ANKRD17: variants seen among roughly 807,000 people sequenced by gnomAD.
ANKRD17 encodes the protein ankyrin repeat domain 17.
A neutral mutation model predicts 229.7 loss-of-function variants in ANKRD17; 19 were observed. The observed-to-expected ratio is 0.08, with a 90% confidence interval of 0.06 to 0.12. ANKRD17 has a LOEUF of 0.12. Ranked by LOEUF, ANKRD17 falls within the 10% of genes least tolerant of loss-of-function variation. The pLI is 1.00. For synonymous variants in ANKRD17, 1,112 were observed against 1,146.1 expected (o/e 0.97, Z 0.60); for missense variants, 2,176 against 3,176.8 (o/e 0.68, Z 7.57).
chr4:73,076,406 T>A, intron 33 of ANKRD17, 116 bp from the exon 34 acceptor site: 2 of 643,746 alleles, frequency 3.1e-6, no homozygotes, highest in East Asian at 3.5e-5. Context: ...TAGGAACTAA[T>A]GGAAAAAAAT....
chr4:73,134,480 C>T (rs959046592), intron 16 of ANKRD17, among the ~76,000 whole-genome samples: 2 of 152,152 alleles, frequency 1.3e-5, no homozygotes, highest in African/African-American at 4.8e-5. Flanking sequence ...ACTATTCTCT[C>T]CAATCTCACC....
intron 27 of ANKRD17, 140 bp downstream of exon 27, chr4:73,096,977 C>G: frequency 1.0e-6 from 1 of 955,878 alleles, no homozygotes; most frequent in Middle Eastern, 2.7e-4. Flanking sequence ...GGCACAGGCT[C>G]TCTCTGTTGG....
intron 1 of ANKRD17, among the ~76,000 whole-genome samples, chr4:73,219,721 C>T (rs1741602433): frequency 6.6e-6 from 1 of 152,090 alleles, no homozygotes; most frequent in African/African-American, 2.4e-5. Flanking sequence ...ACATCAAGTA[C>T]AGATGAAGCT....
chr4:73,206,846 A>G (rs1224115233), intron 1 of ANKRD17, among the ~76,000 whole-genome samples: 1 of 152,114 alleles, frequency 6.6e-6, no homozygotes, highest in Non-Finnish European at 1.5e-5. Context: ...CCCCCAAGAC[A>G]GAGTTTCACT....
intron 22 of ANKRD17, among the ~76,000 whole-genome samples, chr4:73,116,714 TCAAA>T (rs1432450381): frequency 3.3e-5 from 5 of 152,146 alleles, no homozygotes; most frequent in African/African-American, 9.7e-5. Context: ...ATGGGACAAC[TCAAA>T]CAGTTACCTA....
At chr4:73,169,614 C>T (rs887371183) in intron 2 of ANKRD17, among the ~76,000 whole-genome samples, 5 of 152,072 alleles carry the variant, frequency 3.3e-5, no homozygotes, top group African/African-American at 1.2e-4. Context: ...AACCCAAAAT[C>T]AGGTGAGCAC....
At chr4:73,256,375 A>G (rs1365710815) in intron 1 of ANKRD17, among the ~76,000 whole-genome samples, 7 of 152,226 alleles carry the variant, frequency 4.6e-5, no homozygotes, top group Admixed American at 4.6e-4. Flanking sequence ...GCTCTAAACC[A>G]GAGCTTAATA....
chr4:73,184,486 G>A (rs189259425), intron 1 of ANKRD17, among the ~76,000 whole-genome samples: 19 of 129,648 alleles, frequency 1.5e-4, no homozygotes, highest in Admixed American at 2.9e-4. Context: ...CCAAGATAGC[G>A]CCATTGCACC....
chr4:73,196,229 C>A (rs1438078506), intron 1 of ANKRD17, among the ~76,000 whole-genome samples: 2 of 151,862 alleles, frequency 1.3e-5, no homozygotes, highest in East Asian at 1.9e-4. Flanking sequence ...AACTCCTGAC[C>A]TCACGTGACC....
chr4:73,225,581 C>T (rs1214833197), intron 1 of ANKRD17, among the ~76,000 whole-genome samples: 4 of 152,092 alleles, frequency 2.6e-5, no homozygotes, highest in Admixed American at 6.5e-5. Flanking sequence ...TGGCCAGGCG[C>T]GGTGGCTCAT....
At chr4:73,136,660 C>A (rs1728932290) in intron 15 of ANKRD17, among the ~76,000 whole-genome samples, 2 of 152,060 alleles carry the variant, frequency 1.3e-5, no homozygotes, top group Middle Eastern at 3.4e-3. Context: ...TATTGTTACT[C>A]CATATTGATA....
At chr4:73,097,448 C>G (rs76928500) in intron 26 of ANKRD17, among the ~76,000 whole-genome samples, 176 bp from the exon 27 acceptor site, 1 of 110,820 alleles carries the variant, frequency 9.0e-6, no homozygotes, top group East Asian at 2.7e-4. Flanking sequence ...TTTTTTTTTT[C>G]TTTTTGAGAC....
At chr4:73,216,188 A>AT (rs1452155668) in intron 1 of ANKRD17, among the ~76,000 whole-genome samples, 1 of 152,070 alleles carries the variant, frequency 6.6e-6, no homozygotes, top group East Asian at 1.9e-4. Context: ...ACTCTCACAA[A>AT]TTTTTTCTTT....
At chr4:73,165,362 G>A (rs2148934623) in intron 2 of ANKRD17, among the ~76,000 whole-genome samples, 1 of 152,266 alleles carries the variant, frequency 6.6e-6, no homozygotes, top group East Asian at 1.9e-4. Flanking sequence ...AAAGGCCCTG[G>A]ACTAGGAGAC....
At chr4:73,211,738 G>A (rs939133738) in intron 1 of ANKRD17, among the ~76,000 whole-genome samples, 13 of 151,322 alleles carry the variant, frequency 8.6e-5, no homozygotes, top group African/African-American at 3.2e-4. Context: ...TCCCAGCTAC[G>A]TGGGAGGCTG....
rs1722245828 is a variant in ANKRD17, at chr4:73,086,943, T to A, written c.6962-1497A>T. 3.6e-5 allele frequency among the ~76,000 whole-genome samples: 3 copies of A among 84,086 alleles called. 1 individual carries two copies. The highest frequency in any genetic ancestry group is 7.0e-4 in the East Asian group (2 of 2,838). 55.2% of individuals were successfully genotyped at this position (84,086 alleles called of 152,430 possible). A position where few individuals can be genotyped will look rare whatever the true frequency, so the allele number is the denominator to read the frequency against. On this transcript the variant is annotated intron_variant, in intron 29 of 33. Transcript: ENST00000358602. ...AAATATATATATATATATATATATA[T>A]ATATATATATCTGTAGGATTTTAAA...
At chr4:73,231,943 CAG>C (rs1743088488) in intron 1 of ANKRD17, among the ~76,000 whole-genome samples, 1 of 152,224 alleles carries the variant, frequency 6.6e-6, no homozygotes, top group African/African-American at 2.4e-5. Context: ...GTGGCACGCC[CAG>C]AGAGGGCAGA....
At chr4:73,137,790 T>G (rs965702627) in intron 15 of ANKRD17, among the ~76,000 whole-genome samples, 63 of 152,332 alleles carry the variant, frequency 4.1e-4, no homozygotes, top group African/African-American at 1.4e-3. Flanking sequence ...TTATATGCAC[T>G]TAAAATTTTT....
At chr4:73,121,244 A>T in intron 19 of ANKRD17, 150 bp from the exon 20 acceptor site, 2 of 689,636 alleles carry the variant, frequency 2.9e-6, no homozygotes, top group South Asian at 1.8e-5. Flanking sequence ...TCTCTGAGAT[A>T]CTACCAAGAC....
Sources: gnomAD v4.1 joint callset for allele counts (sites outside exome capture counted in the v4.1 genomes callset) on GRCh38, gnomAD v4.1.1 for gene constraint, MANE v1.5 for transcripts, NCBI Gene and HGNC (gene_info 2026-07-23, HGNC 2026-07-21) for gene names.